The following TTC7A variants were observed in gnomAD, a reference collection of about 807,000 sequenced individuals.
The protein encoded by TTC7A is tetratricopeptide repeat protein 7A.
Under a neutral mutation model 103.7 loss-of-function variants are expected in TTC7A, and 110 were observed. The ratio of observed to expected loss-of-function variants is 1.06; its 90% CI spans 0.91 to 1.24. TTC7A has a LOEUF of 1.24. Ranked by LOEUF, TTC7A falls within the 50% of genes most tolerant of loss-of-function variation. TTC7A has a pLI of 0.00. For synonymous variants in TTC7A, 521 were observed against 467.9 expected, an observed-to-expected ratio of 1.11 and a Z score of -1.47; for missense variants, 1,340 against 1,116.3, an observed-to-expected ratio of 1.20 and a Z score of -2.86.
chr2:46,996,793 A>G (rs982552993), intron 8 of TTC7A, among the ~76,000 whole-genome samples: 5 of 152,166 alleles, frequency 3.3e-5, no homozygotes, highest in Admixed American at 3.3e-4. Context: ...TGTGCTTTTT[A>G]CTTTTTAAAA....
chr2:47,066,841 C>T (rs1684220925), intron 19 of TTC7A, among the ~76,000 whole-genome samples: 1 of 152,212 alleles, frequency 6.6e-6, no homozygotes, highest in Non-Finnish European at 1.5e-5. Context: ...CAGGCATGAG[C>T]CACCATGTGT....
At chr2:47,026,501 G>A (rs1010418014) in intron 14 of TTC7A, among the ~76,000 whole-genome samples, 3 of 152,328 alleles carry the variant, frequency 2.0e-5, no homozygotes, top group Admixed American at 2.0e-4. Context: ...CCAAGGCCCC[G>A]CGAGAAGGGT....
Position 46,994,475 on chromosome 2 carries a change from C to G in TTC7A, c.962C>G (p.Thr321Ser). ...FMGKEESSFA[T>S]QALRKPHLYE... ...GGCAAGGAGGAGAGTTCTTTCGCCA[C>G]TCAGGCCCTGCGGAAACCTCACCTC... is the stretch of plus-strand genomic sequence containing the variant. The change falls in exon 7 of 20, where the codon ACT becomes AGT. Residue 321 changes from threonine to serine, a missense_variant. Thr to Ser is a moderately conservative substitution (Grantham distance 58). Transcript: ENST00000319190. The G allele has an allele frequency of 1.2e-6, 2 of 1,614,120 alleles. No homozygotes were observed. Among genetic ancestry groups the G allele is most frequent in the Non-Finnish European group, 1.7e-6 (2 of 1,180,014 alleles).
In TTC7A at chr2:47,075,321, A is replaced by AAAAT. The variant is rs942557667; in HGVS notation, c.*1400_*1403dup. The stretch of plus-strand genomic sequence containing the variant: ...AATATAGTTTTTTATCTATATATAT[A>AAAAT]AAATAGAGATCTATTTTTTTTCTGG... On this transcript the variant is annotated 3_prime_UTR_variant, in exon 20 of 20. Transcript: ENST00000319190. 4.6e-5 allele frequency: 7 copies of AAAAT among 152,234 alleles called. No homozygotes were observed. The highest frequency in any genetic ancestry group is 1.7e-4 in the African/African-American group (7 of 41,460). 9.4% of individuals were successfully genotyped at this position (152,234 alleles called of 1,614,324 possible). A position where few individuals can be genotyped will look rare whatever the true frequency, so the allele number is the denominator to read the frequency against.
At chr2:46,945,905 A>G (rs1299775594) in intron 1 of TTC7A, among the ~76,000 whole-genome samples, 1 of 151,938 alleles carries the variant, frequency 6.6e-6, no homozygotes. Context: ...AGCTGCAGAA[A>G]CCACTGTGCC....
chr2:46,936,998 G>T (rs1165574886), upstream of TTC7A, among the ~76,000 whole-genome samples: 1 of 151,922 alleles, frequency 6.6e-6, no homozygotes, highest in East Asian at 1.9e-4. Flanking sequence ...GGGACCACAG[G>T]CACCTGCCCA....
At chr2:46,945,085 G>C (rs1670817866) in intron 1 of TTC7A, among the ~76,000 whole-genome samples, 1 of 152,008 alleles carries the variant, frequency 6.6e-6, no homozygotes. Flanking sequence ...TGCTGTGCTT[G>C]CTTTATTACA....
chr2:46,931,462 G>A (rs1669696926), intron 2 of TTC7A, among the ~76,000 whole-genome samples: 1 of 152,152 alleles, frequency 6.6e-6, no homozygotes, highest in African/African-American at 2.4e-5. Flanking sequence ...AGATTATCTT[G>A]GATGATCTCC....
chr2:46,996,077 A>G (rs17540219), intron 8 of TTC7A, among the ~76,000 whole-genome samples: 25,963 of 152,284 alleles, frequency 0.17, 2,421 homozygotes, highest in Admixed American at 0.19. Context: ...TTGCACACAT[A>G]TGGTGGCCAT....
At chr2:46,958,361 G>A (rs1025459719) in intron 3 of TTC7A, 3 of 594,188 alleles carry the variant, frequency 5.0e-6, no homozygotes, top group African/African-American at 1.9e-5. Flanking sequence ...TGGGTCTTTC[G>A]GGTCTCTTAG....
At chr2:47,046,926 G>T (rs1573018838) in intron 16 of TTC7A, 1 of 266,982 alleles carries the variant, frequency 3.7e-6, no homozygotes. Flanking sequence ...GAGGCTAGAA[G>T]AGGAGGAGGA....
At chr2:46,961,128 C>G (rs1408088511) in intron 3 of TTC7A, among the ~76,000 whole-genome samples, 1 of 152,228 alleles carries the variant, frequency 6.6e-6, no homozygotes, top group African/African-American at 2.4e-5. Context: ...CCTACGGACC[C>G]CTGACCAAAC....
intron 2 of TTC7A, among the ~76,000 whole-genome samples, chr2:46,952,201 G>A (rs969161055): frequency 6.6e-6 from 1 of 151,976 alleles, no homozygotes; most frequent in Non-Finnish European, 1.5e-5. Context: ...AGCACTGGGA[G>A]GTTTGTATTG....
In TTC7A at chr2:46,995,263, G is replaced by A. The variant is rs1572850252; in HGVS notation, c.1065+64G>A. Reference sequence around the variant, plus strand: ...TGACCCTGTGGGGAAGGGCTGTGGGGCCCAGGTACAGGCCACCCGTGACCT... The same window carrying A: ...TGACCCTGTGGGGAAGGGCTGTGGGACCCAGGTACAGGCCACCCGTGACCT... On this transcript the variant is annotated intron_variant, in intron 8 of 19. Transcript: ENST00000319190. 2.6e-6 allele frequency: 4 copies of A among 1,565,366 alleles called. No individual in the cohort carries two copies. In the East Asian group the frequency reaches 9.2e-5, roughly 36 times the overall value.
At chr2:47,061,731 T>C (rs1272449542) in intron 19 of TTC7A, among the ~76,000 whole-genome samples, 1 of 152,256 alleles carries the variant, frequency 6.6e-6, no homozygotes, top group Non-Finnish European at 1.5e-5. Flanking sequence ...GCAACATTTA[T>C]TGAGCACCAG....
At chr2:46,973,826 C>T (rs1039851610) in intron 3 of TTC7A, among the ~76,000 whole-genome samples, 6 of 152,146 alleles carry the variant, frequency 3.9e-5, no homozygotes, top group Non-Finnish European at 7.4e-5. Flanking sequence ...TCAAGGTTGC[C>T]GGCTTCTTCA....
At chr2:47,000,241 G>A (rs1214768748) in intron 8 of TTC7A, among the ~76,000 whole-genome samples, 1 of 149,150 alleles carries the variant, frequency 6.7e-6, no homozygotes, top group Non-Finnish European at 1.5e-5. Context: ...ACTGGATTAA[G>A]GGTGCCATTC....
At chr2:47,036,963 A>C (rs908480850) in intron 15 of TTC7A, among the ~76,000 whole-genome samples, 3 of 152,198 alleles carry the variant, frequency 2.0e-5, no homozygotes, top group Non-Finnish European at 4.4e-5. Flanking sequence ...CTGGGTGATC[A>C]CACTTGAATG....
intron 14 of TTC7A, among the ~76,000 whole-genome samples, chr2:47,024,770 A>G (rs545366776): frequency 6.6e-6 from 1 of 152,036 alleles, no homozygotes; most frequent in East Asian, 1.9e-4. Flanking sequence ...CTACTCCTTC[A>G]CTGTGTGGAC....
Sources: allele counts gnomAD v4.1 joint callset (sites outside exome capture counted in the v4.1 genomes callset), GRCh38; gene constraint gnomAD v4.1.1; transcripts MANE v1.5; gene names NCBI Gene and HGNC (gene_info 2026-07-23, HGNC 2026-07-21).